The following TEAD4 variants were observed in gnomAD, a reference collection of about 807,000 sequenced individuals.
TEAD4 encodes transcriptional enhancer factor TEF-3.
A neutral mutation model predicts 52.4 loss-of-function variants in TEAD4; 36 were observed. The observed-to-expected ratio is 0.69, with a 90% CI of 0.53 to 0.91. The LOEUF is 0.91. Among genes scored for constraint, TEAD4 ranks in the 40% least tolerant of loss-of-function variants. TEAD4 has a pLI of 0.00. For missense variants in TEAD4, 508 were observed against 583.9 expected (o/e 0.87, Z 1.34); for synonymous variants, 220 against 231.0 (o/e 0.95, Z 0.43).
intron 3 of TEAD4, among the ~76,000 whole-genome samples, chr12:3,003,146 T>C (rs1328197743): frequency 1.3e-5 from 2 of 151,998 alleles, no homozygotes; most frequent in Non-Finnish European, 2.9e-5. Flanking sequence ...AGTGTGGCAC[T>C]TGCTCACTCC....
intron 2 of TEAD4, among the ~76,000 whole-genome samples, chr12:2,962,703 C>T (rs936954811): frequency 3.3e-5 from 5 of 152,252 alleles, no homozygotes; most frequent in South Asian, 2.1e-4. Flanking sequence ...CTCCTGACCT[C>T]AGGTGATCCG....
At chr12:3,005,233 G>A (rs1300334722) in intron 3 of TEAD4, among the ~76,000 whole-genome samples, 1 of 152,202 alleles carries the variant, frequency 6.6e-6, no homozygotes, top group African/African-American at 2.4e-5. Flanking sequence ...ACGGGGAGAT[G>A]TTGGTCAAAG....
At chr12:2,989,044 T>C (rs2098240986) in intron 2 of TEAD4, among the ~76,000 whole-genome samples, 1 of 152,110 alleles carries the variant, frequency 6.6e-6, no homozygotes, top group Non-Finnish European at 1.5e-5. Flanking sequence ...AGGAGAGGGT[T>C]CTAGGAACCC....
chr12:2,969,596 G>A (rs192252824), intron 2 of TEAD4, among the ~76,000 whole-genome samples: 7 of 152,294 alleles, frequency 4.6e-5, no homozygotes, highest in Admixed American at 2.0e-4. Context: ...ATCAGCATGC[G>A]GGGATTCCAC....
At chr12:3,028,647 T>G (rs1476973841) in intron 10 of TEAD4, among the ~76,000 whole-genome samples, 1 of 152,192 alleles carries the variant, frequency 6.6e-6, no homozygotes, top group Non-Finnish European at 1.5e-5. Flanking sequence ...GCCCTTTTTT[T>G]TTTGAGACAG....
intron 2 of TEAD4, among the ~76,000 whole-genome samples, chr12:2,986,924 C>G (rs1021460943): frequency 1.3e-5 from 2 of 152,134 alleles, no homozygotes; most frequent in South Asian, 4.1e-4. Context: ...CTTATGGGAC[C>G]CCCTTTGAAT....
At chr12:2,992,560 A>G (rs1203785021) in intron 2 of TEAD4, among the ~76,000 whole-genome samples, 1 of 152,144 alleles carries the variant, frequency 6.6e-6, no homozygotes. Context: ...TAAGCGAGGA[A>G]TGCTCTGGGA....
chr12:3,021,317 T>TC (rs910973169), intron 9 of TEAD4, among the ~76,000 whole-genome samples: 3 of 149,952 alleles, frequency 2.0e-5, no homozygotes, highest in African/African-American at 7.3e-5. Flanking sequence ...CTTTTTTTTT[T>TC]TTTTTTTCTT....
intron 2 of TEAD4, among the ~76,000 whole-genome samples, chr12:2,971,034 C>T (rs906303366): frequency 2.0e-5 from 3 of 152,248 alleles, no homozygotes; most frequent in Non-Finnish European, 4.4e-5. Context: ...TCCGACTGCA[C>T]CTGCCCTCAC....
At chr12:3,035,842 G>A (rs61918014) in intron 10 of TEAD4, among the ~76,000 whole-genome samples, 84 of 73,930 alleles carry the variant, frequency 1.1e-3, no homozygotes, top group East Asian at 3.1e-3. Flanking sequence ...AAAAAAAGAA[G>A]AAGAAGAAGA....
At position 2,959,793 on chromosome 12, in the gene TEAD4, ACTC is replaced by A. The variant is rs1235950504; in HGVS notation, c.-122-150_-122-148del. The A allele has an allele frequency of 1.4e-5, 2 of 143,066 alleles. No individual in the cohort carries two copies. Among genetic ancestry groups the A allele is most frequent in the African/African-American group, 5.2e-5 (2 of 38,530 alleles). The allele number at this position is 143,066 out of a possible 1,614,324, so 8.9% of individuals were successfully genotyped here. A position where few individuals can be genotyped will look rare whatever the true frequency, so the allele number is the denominator to read the frequency against. On this transcript the variant is annotated intron_variant, in intron 1 of 12. Coordinates refer to ENST00000359864, the MANE Select transcript of TEAD4 (RefSeq NM_003213.4). This position sits in a 1 kb window ranked among gnomAD's most constrained non-coding sequence, Gnocchi z 5.1. ...TTCCCGTCAGTCCCATTCTGGGAAA[ACTC>A]CTCCCTCCGCGCGCTCCGCTCCGCT...
intron 2 of TEAD4, among the ~76,000 whole-genome samples, chr12:2,988,200 G>A (rs1375666335): frequency 2.0e-5 from 3 of 151,870 alleles, no homozygotes; most frequent in Non-Finnish European, 4.4e-5. Flanking sequence ...CATTTATTTA[G>A]GTATTATGAC....
At position 3,038,037 on chromosome 12, in the gene TEAD4, C is replaced by T. The variant is rs11550887; in HGVS notation, c.967C>T (p.Pro323Ser). 67,639 of 1,614,052 alleles carry T rather than the reference C, an allele frequency of 0.042. 1,687 individuals are homozygous for T. Among genetic ancestry groups the T allele is most frequent in the Admixed American group, 0.085 (5,094 of 60,010 alleles). ...TGGGGTCTCCAGCCAGTATGAGAGC[C>T]CCGAGAACATGATCATCACCTGCTC... is the stretch of plus-strand genomic sequence containing the variant. Residue 323 changes from proline to serine, a missense_variant, in exon 11 of 13, where the codon CCC (proline) becomes TCC (serine). Transcript: ENST00000359864.
In TEAD4 at chr12:3,019,065, G is replaced by C. The variant is rs1027292442; in HGVS notation, c.528-50G>C. ...CCACTGGACCCAGTGCAGGGATCCG[G>C]GGCGGTGGCCTGCCCGAGGCTGACA... On this transcript the variant is annotated intron_variant, in intron 7 of 12. Transcript: ENST00000359864. 6 of 1,607,572 alleles carry C rather than the reference G, an allele frequency of 3.7e-6. No individual in the cohort carries two copies. In the African/African-American group the frequency reaches 8.0e-5, roughly 22 times the overall value.
chr12:2,965,065 T>C (rs551674091), intron 2 of TEAD4, among the ~76,000 whole-genome samples: 92 of 152,244 alleles, frequency 6.0e-4, no homozygotes, highest in South Asian at 4.6e-3. Flanking sequence ...ACACATGCTG[T>C]CTTGATTTGT....
intron 2 of TEAD4, among the ~76,000 whole-genome samples, chr12:2,991,498 C>T (rs373239429): frequency 4.3e-4 from 65 of 152,170 alleles, no homozygotes; most frequent in African/African-American, 1.3e-3. Flanking sequence ...CCCGTCTCTA[C>T]TAAAAATACA....
At chr12:2,992,686 C>T (rs555358883) in intron 2 of TEAD4, among the ~76,000 whole-genome samples, 4 of 151,980 alleles carry the variant, frequency 2.6e-5, no homozygotes, top group South Asian at 2.1e-4. Flanking sequence ...GGAGAAGGGA[C>T]GGGCAATGTG....
At chr12:3,038,196 C>T in intron 11 of TEAD4, 88 bp downstream of exon 11, 1 of 1,505,470 alleles carries the variant, frequency 6.6e-7, no homozygotes, top group Non-Finnish European at 9.0e-7. Context: ...GAGGAATGCC[C>T]TCCGTTAGGG....
At chr12:3,007,250 G>A (rs986578028) in intron 3 of TEAD4, among the ~76,000 whole-genome samples, 3 of 152,194 alleles carry the variant, frequency 2.0e-5, no homozygotes, top group African/African-American at 7.2e-5. Flanking sequence ...CAGCTGATGG[G>A]GGCCAAGGCC....
Sources: gnomAD v4.1 joint callset for allele counts (sites outside exome capture counted in the v4.1 genomes callset) on GRCh38, gnomAD v4.1.1 for gene constraint, Gnocchi (gnomAD v3.1) non-coding constraint, MANE v1.5 for transcripts, NCBI Gene and HGNC (gene_info 2026-07-23, HGNC 2026-07-21) for gene names.